CFDP1: variants seen among roughly 807,000 people sequenced by gnomAD.
CFDP1 encodes chromatin remodeling protein CFDP1.
A neutral mutation model predicts 40.1 loss-of-function variants in CFDP1; 31 were observed. The ratio of observed to expected loss-of-function variants is 0.77; its 90% CI spans 0.58 to 1.04. The LOEUF (loss-of-function observed/expected upper bound fraction) is 1.04. CFDP1 is among the 50% of genes least tolerant of loss of function. The pLI is 0.00. For missense variants in CFDP1, 423 were observed against 343.4 expected (o/e 1.23, Z -1.83); for synonymous variants, 167 against 120.0 (o/e 1.39, Z -2.56).
chr16:75,342,737 T>C (rs1439325631), intron 5 of CFDP1, among the ~76,000 whole-genome samples: 2 of 152,182 alleles, frequency 1.3e-5, no homozygotes, highest in African/African-American at 2.4e-5. Context: ...CCTCTTGCCT[T>C]TGGAAGAAAC....
rs2079122461 is a variant in CFDP1, at chr16:75,408,286, T to G, written c.530+3539A>C. Among the ~76,000 whole-genome samples the G allele has an allele frequency of 2.6e-5, 4 of 152,100 alleles. No individual in the cohort carries two copies. The South Asian group carries it at 8.3e-4, about 32-fold the overall frequency. On this transcript the variant is annotated intron_variant, in intron 4 of 6. Transcript: ENST00000283882. Reference sequence around the variant, plus strand: ...TTCTGATCCCATGAAAATATCTCTGTGTTACACCCTGGCAGATCCCATGTT... The same window carrying G: ...TTCTGATCCCATGAAAATATCTCTGGGTTACACCCTGGCAGATCCCATGTT...
At chr16:75,341,544 C>T (rs576424930) in intron 5 of CFDP1, among the ~76,000 whole-genome samples, 1 of 151,998 alleles carries the variant, frequency 6.6e-6, no homozygotes, top group Non-Finnish European at 1.5e-5. Flanking sequence ...TAAAGCAAAA[C>T]TTCAAGGGAA....
chr16:75,357,458 T>C (rs1266107767), intron 5 of CFDP1, among the ~76,000 whole-genome samples: 2 of 152,076 alleles, frequency 1.3e-5, no homozygotes, highest in Non-Finnish European at 2.9e-5. Flanking sequence ...TTTCACCATA[T>C]TGGCCAGGCT....
chr16:75,329,321 A>G (rs1489297393), intron 5 of CFDP1, among the ~76,000 whole-genome samples: 3 of 152,256 alleles, frequency 2.0e-5, no homozygotes, highest in Admixed American at 1.3e-4. Flanking sequence ...CAAAAATACC[A>G]AAAGAAACAG....
At chr16:75,377,754 T>A (rs371134192) in intron 5 of CFDP1, among the ~76,000 whole-genome samples, 3 of 152,224 alleles carry the variant, frequency 2.0e-5, no homozygotes, top group African/African-American at 4.8e-5. Flanking sequence ...CTCAGTTCTA[T>A]TGTGTTCTCA....
chr16:75,433,176 G>A (rs2079445608), intron 1 of CFDP1, 113 bp downstream of exon 1: 2 of 908,846 alleles, frequency 2.2e-6, no homozygotes, highest in Non-Finnish European at 3.3e-6. Context: ...TCGAGAACAG[G>A]AGCCCCCCTG....
At chr16:75,375,310 T>G (rs956502843) in intron 5 of CFDP1, among the ~76,000 whole-genome samples, 3 of 152,146 alleles carry the variant, frequency 2.0e-5, no homozygotes, top group Non-Finnish European at 4.4e-5. Flanking sequence ...CATTTACATC[T>G]GACAAACTAT....
chr16:75,394,936 A>T (rs1268033045), intron 5 of CFDP1, 154 bp downstream of exon 5: 1 of 959,292 alleles, frequency 1.0e-6, no homozygotes, highest in African/African-American at 1.7e-5. Context: ...TTTCCTTTGC[A>T]TCTTCCATTC....
Position 75,333,591 on chromosome 16 carries a change from T to C in CFDP1, c.651-28409A>G, listed in dbSNP as rs569605646. Among the ~76,000 whole-genome samples the C allele has an allele frequency of 1.7e-4, 26 of 152,342 alleles. No homozygotes were observed. The South Asian group carries it at 3.9e-3, about 23-fold the overall frequency. Reference sequence around the variant, plus strand: ...GAAGCCAATTCTCTATCTTAGCAAATGTAGAACCATTATACTTATTGCAGG... The same window carrying C: ...GAAGCCAATTCTCTATCTTAGCAAACGTAGAACCATTATACTTATTGCAGG... On this transcript the variant is annotated intron_variant, in intron 5 of 6. Coordinates refer to ENST00000283882, the MANE Select transcript of CFDP1 (RefSeq NM_006324.3).
In CFDP1 at chr16:75,327,191, C is replaced by T. The variant is rs138722152; in HGVS notation, c.651-22009G>A. 5.0e-3 allele frequency among the ~76,000 whole-genome samples: 766 copies of T among 152,048 alleles called. 11 individuals carry two copies. The highest frequency in any genetic ancestry group is 0.017 in the African/African-American group (723 of 41,468). ...CTGAGGCAGGAGAATAGCGTGAACCCGGGAGGCAGAGCTTGCAGTGAGCCA... is the reference window on the plus strand; with the variant it reads ...CTGAGGCAGGAGAATAGCGTGAACCTGGGAGGCAGAGCTTGCAGTGAGCCA... On this transcript the variant is annotated intron_variant, in intron 5 of 6. Transcript: ENST00000283882.
At chr16:75,319,907 A>ACG (rs1172492701) in intron 5 of CFDP1, among the ~76,000 whole-genome samples, 3 of 152,354 alleles carry the variant, frequency 2.0e-5, no homozygotes, top group Non-Finnish European at 4.4e-5. Flanking sequence ...ATTCGTTTCC[A>ACG]CGTAGTTTGA....
chr16:75,319,297 C>G (rs900244988), intron 5 of CFDP1, among the ~76,000 whole-genome samples: 2 of 152,162 alleles, frequency 1.3e-5, no homozygotes, highest in Non-Finnish European at 1.5e-5. Context: ...CTACCTCGGC[C>G]TCCCAAAGTG....
chr16:75,355,948 T>A (rs72787117), intron 5 of CFDP1, among the ~76,000 whole-genome samples: 10,104 of 152,296 alleles, frequency 0.066, 361 homozygotes, highest in Middle Eastern at 0.13. Context: ...ATACTTCTCA[T>A]AGTAGCTCTC....
At chr16:75,323,224 C>T (rs770135654) in intron 5 of CFDP1, among the ~76,000 whole-genome samples, 5 of 148,950 alleles carry the variant, frequency 3.4e-5, no homozygotes, top group Admixed American at 1.3e-4. Context: ...TACTTTTTAA[C>T]GTTAAAAAAA....
At chr16:75,349,696 T>TATATATATATATAC (rs1209804675) in intron 5 of CFDP1, among the ~76,000 whole-genome samples, 4 of 47,952 alleles carry the variant, frequency 8.3e-5, no homozygotes, top group African/African-American at 4.8e-4. Flanking sequence ...AAAAAATATA[T>TATATATATATATAC]ATACATACAT....
In CFDP1 at chr16:75,396,622, G is replaced by A. The variant is rs2078996629; in HGVS notation, c.531-1413C>T. 1.9e-5 allele frequency among the ~76,000 whole-genome samples: 2 copies of A among 104,740 alleles called. 1 individual carries two copies. Among genetic ancestry groups the A allele is most frequent in the Admixed American group, 2.4e-4 (2 of 8,194 alleles). 68.7% of individuals were successfully genotyped at this position (104,740 alleles called of 152,430 possible). On this transcript the variant is annotated intron_variant, in intron 4 of 6. Transcript: ENST00000283882. The stretch of plus-strand genomic sequence containing the variant: ...CAACCCAAAGATGAAACAAAAACTG[G>A]CTAAATTAGCAATAATTTGGGAATG...
At position 75,341,153 on chromosome 16, in the gene CFDP1, G is replaced by A. The variant is rs183451604; in HGVS notation, c.651-35971C>T. On this transcript the variant is annotated intron_variant, in intron 5 of 6. Transcript: ENST00000283882. ...TTAATTATTCCTAATGATGCTATGT[G>A]CATCTCATTGGGTCTTCCTGACAAG... Among the ~76,000 whole-genome samples the A allele has an allele frequency of 2.1e-3, 323 of 152,250 alleles. 3 individuals carry two copies. Among genetic ancestry groups the A allele is most frequent in the Admixed American group, 4.2e-3 (64 of 15,292 alleles).
At chr16:75,356,734 A>G (rs1311705278) in intron 5 of CFDP1, among the ~76,000 whole-genome samples, 1 of 152,154 alleles carries the variant, frequency 6.6e-6, no homozygotes, top group African/African-American at 2.4e-5. Context: ...TTAAAAAAAT[A>G]ATAAGAAGAA....
intron 5 of CFDP1, chr16:75,380,091 T>C (rs896599632): frequency 6.6e-5 from 10 of 151,782 alleles, no homozygotes; most frequent in African/African-American, 2.4e-4. Flanking sequence ...TGAGCTGAGA[T>C]TGTGCCACTG....
Sources: allele counts gnomAD v4.1 joint callset (sites outside exome capture counted in the v4.1 genomes callset), GRCh38; gene constraint gnomAD v4.1.1; transcripts MANE v1.5; gene names NCBI Gene and HGNC (gene_info 2026-07-23, HGNC 2026-07-21).